The following CCL18 variants were observed in gnomAD, a reference collection of about 807,000 sequenced individuals.
CCL18 encodes C-C motif chemokine ligand 18.
CCL18 carries 7 observed loss-of-function variants against 8.0 expected under a neutral mutation model. That is an observed-to-expected ratio of 0.87 (90% CI 0.50 to 1.64). The LOEUF is 1.64. CCL18 is among the 40% of genes most tolerant of loss of function. The pLI, the probability that CCL18 is intolerant of heterozygous loss-of-function variation, is 0.00. For missense variants in CCL18, 95 were observed against 107.8 expected, an observed-to-expected ratio of 0.88 and a Z score of 0.52; for synonymous variants, 35 against 41.3, an observed-to-expected ratio of 0.85 and a Z score of 0.59.
intron 1 of CCL18, among the ~76,000 whole-genome samples, chr17:36,065,320 T>C (rs2066831364): frequency 6.6e-6 from 1 of 152,192 alleles, no homozygotes; most frequent in African/African-American, 2.4e-5. Context: ...TCTTAGTATT[T>C]TCATTACTGT....
At chr17:36,068,552 G>A (rs1211385475) in intron 1 of CCL18, among the ~76,000 whole-genome samples, 1 of 152,118 alleles carries the variant, frequency 6.6e-6, no homozygotes, top group Non-Finnish European at 1.5e-5. Flanking sequence ...TAGCTTTACT[G>A]CTTTTTGGTG....
chr17:36,064,900 A>G (rs2066828955), intron 1 of CCL18, among the ~76,000 whole-genome samples: 1 of 152,238 alleles, frequency 6.6e-6, no homozygotes, highest in African/African-American at 2.4e-5. Flanking sequence ...TGGAGAGACA[A>G]GACTAGGGAA....
chr17:36,071,271 T>G lies in CCL18; in HGVS notation c.*230T>G. 1.9e-6 allele frequency: 1 copy of G among 524,336 alleles called. No individual in the cohort carries two copies. The highest frequency in any genetic ancestry group is 3.4e-6 in the Non-Finnish European group (1 of 296,784). 32.5% of individuals were successfully genotyped at this position (524,336 alleles called of 1,614,324 possible). On this transcript the variant is annotated 3_prime_UTR_variant, in exon 3 of 3. Coordinates refer to ENST00000616054, the MANE Select transcript of CCL18 (RefSeq NM_002988.4). ...TGAAATTAGTATTTTCTCTGACATC[T>G]CATGACATTGTCTTTATCATCCTTT...
chr17:36,066,928 G>T (rs896740157), intron 1 of CCL18, among the ~76,000 whole-genome samples: 2 of 152,236 alleles, frequency 1.3e-5, no homozygotes, highest in Admixed American at 6.5e-5. Flanking sequence ...GCCAAGCTTA[G>T]CTGGTACCTT....
chr17:36,070,787 C>A (rs1030703088), intron 2 of CCL18, among the ~76,000 whole-genome samples, 164 bp from the exon 3 acceptor site: 1 of 152,168 alleles, frequency 6.6e-6, no homozygotes, highest in Admixed American at 6.5e-5. Flanking sequence ...CCTGAGGAAC[C>A]CCATCTGAGA....
intron 1 of CCL18, among the ~76,000 whole-genome samples, chr17:36,065,234 C>T (rs144739875): frequency 6.6e-6 from 1 of 152,310 alleles, no homozygotes; most frequent in African/African-American, 2.4e-5. Flanking sequence ...CACATATTTG[C>T]TCTTCCTGTC....
At chr17:36,069,726 C>T (rs1172320795) in intron 1 of CCL18, among the ~76,000 whole-genome samples, 4 of 152,190 alleles carry the variant, frequency 2.6e-5, no homozygotes, top group Admixed American at 6.5e-5. Flanking sequence ...CAGCTCTTCC[C>T]GGCAGCCATG....
intron 1 of CCL18, among the ~76,000 whole-genome samples, chr17:36,067,044 G>A (rs2066841297): frequency 6.6e-6 from 1 of 152,188 alleles, no homozygotes; most frequent in Admixed American, 6.5e-5. Flanking sequence ...CATGTAAGAT[G>A]ATACCCCAGA....
chr17:36,071,078 G>A lies in CCL18; in HGVS notation c.*37G>A, dbSNP rs1331577284. On this transcript the variant is annotated 3_prime_UTR_variant, in exon 3 of 3. Coordinates refer to ENST00000616054, the MANE Select transcript of CCL18 (RefSeq NM_002988.4). The stretch of plus-strand genomic sequence containing the variant: ...GCTGCGAGGGCCCAGTGAACTTGGT[G>A]GGCCCAGGAGGGAACAGGAGCCTGA... 1.4e-6 allele frequency: 2 copies of A among 1,452,724 alleles called. No individual in the cohort carries two copies. Among genetic ancestry groups the A allele is most frequent in the Non-Finnish European group, 1.9e-6 (2 of 1,038,444 alleles). 90.0% of individuals were successfully genotyped at this position (1,452,724 alleles called of 1,614,324 possible). A position where few individuals can be genotyped will look rare whatever the true frequency, so the allele number is the denominator to read the frequency against.
intron 1 of CCL18, among the ~76,000 whole-genome samples, chr17:36,069,105 T>A (rs1352974987): frequency 1.3e-5 from 2 of 152,200 alleles, no homozygotes; most frequent in Non-Finnish European, 2.9e-5. Flanking sequence ...TCCTCCCACC[T>A]TGGCCTCTCC....
At chr17:36,068,063 A>T (rs1375092426) in intron 1 of CCL18, among the ~76,000 whole-genome samples, 1 of 152,210 alleles carries the variant, frequency 6.6e-6, no homozygotes, top group Non-Finnish European at 1.5e-5. Context: ...TGTACGGTAG[A>T]CTACACCATC....
intron 1 of CCL18, among the ~76,000 whole-genome samples, chr17:36,068,601 T>C (rs2066849524): frequency 6.6e-6 from 1 of 152,214 alleles, no homozygotes; most frequent in Non-Finnish European, 1.5e-5. Context: ...TAAAAAGCTA[T>C]TTGAACTAAA....
intron 1 of CCL18, 54 bp downstream of exon 1, chr17:36,064,463 A>G: frequency 4.3e-6 from 6 of 1,386,448 alleles, no homozygotes; most frequent in Non-Finnish European, 6.1e-6. Context: ...GTCAGGCGAC[A>G]TCTTCCAAGT....
chr17:36,069,853 C>T (rs542881446), intron 1 of CCL18, among the ~76,000 whole-genome samples: 1 of 152,328 alleles, frequency 6.6e-6, no homozygotes, highest in East Asian at 1.9e-4. Flanking sequence ...TTGTCTTTTG[C>T]TCTTGTGCCC....
chr17:36,070,343 G>A (rs1340445018), intron 1 of CCL18, 104 bp from the exon 2 acceptor site: 14 of 667,546 alleles, frequency 2.1e-5, no homozygotes, highest in Non-Finnish European at 2.7e-5. Flanking sequence ...CACCCCAAGC[G>A]GTGATATCTC....
chr17:36,068,287 A>G (rs2066847787), intron 1 of CCL18, among the ~76,000 whole-genome samples: 1 of 152,182 alleles, frequency 6.6e-6, no homozygotes, highest in African/African-American at 2.4e-5. Flanking sequence ...TCATAAGCCT[A>G]GAAAAAAACT....
rs1403631625 is a variant in CCL18 at position 36,070,974 on chromosome 17, A to G, written c.203A>G (p.Gln68Arg). The stretch of plus-strand genomic sequence containing the variant: ...AGCCTCCTAACCAAGAGAGGCCGGC[A>G]GATCTGTGCTGACCCCAATAAGAAG... ...GVILLTKRGR[Q>R]ICADPNKKWV... is the part of the protein sequence containing the mutation. The change falls in exon 3 of 3, where the codon CAG (glutamine) becomes CGG (arginine). Residue 68 changes from glutamine (Q) to arginine (R), a missense_variant. Transcript: ENST00000616054. 1 of 1,613,924 alleles carries G rather than the reference A, an allele frequency of 6.2e-7. No homozygotes were observed. The highest frequency in any genetic ancestry group is 1.3e-5 in the African/African-American group (1 of 75,056).
intron 1 of CCL18, among the ~76,000 whole-genome samples, chr17:36,068,136 G>A (rs2066847006): frequency 6.6e-6 from 1 of 152,040 alleles, no homozygotes; most frequent in Non-Finnish European, 1.5e-5. Flanking sequence ...AAGTTCCTCA[G>A]ATGTATTTTT....
rs2066863868 is a variant in CCL18, at chr17:36,071,098, G to GTCCTGTTC, written c.*57_*58insTCCTGTTC. 1 of 1,270,524 alleles carries GTCCTGTTC rather than the reference G, an allele frequency of 7.9e-7. No individual in the cohort carries two copies. The highest frequency in any genetic ancestry group is 1.5e-5 in the African/African-American group (1 of 67,526). The allele number at this position is 1,270,524 out of a possible 1,614,324, so 78.7% of individuals were successfully genotyped here. ...TTGGTGGGCCCAGGAGGGAACAGGAGCCTGAGCCAGGGCAATGGCCCTGCC... is the reference window on the plus strand; with the variant it reads ...TTGGTGGGCCCAGGAGGGAACAGGAGTCCTGTTCCCTGAGCCAGGGCAATGGCCCTGCC... On this transcript the variant is annotated 3_prime_UTR_variant, in exon 3 of 3. Coordinates refer to ENST00000616054, the MANE Select transcript of CCL18 (RefSeq NM_002988.4).
Sources: gnomAD v4.1 joint callset for allele counts (sites outside exome capture counted in the v4.1 genomes callset) on GRCh38, gnomAD v4.1.1 for gene constraint, MANE v1.5 for transcripts, NCBI Gene and HGNC (gene_info 2026-07-23, HGNC 2026-07-21) for gene names.